The following NXN variants were observed in gnomAD, a reference collection of about 807,000 sequenced individuals.
NXN encodes nucleoredoxin.
NXN carries 16 observed loss-of-function variants against 48.6 expected under a neutral mutation model. The observed-to-expected ratio is 0.33, with a 90% CI of 0.22 to 0.50. The LOEUF (loss-of-function observed/expected upper bound fraction) is 0.50, where lower values mean the gene tolerates loss of function less well. Ranked by LOEUF, NXN falls within the 20% of genes least tolerant of loss-of-function variation. The probability of loss-of-function intolerance (pLI) is 0.98; values close to 1 mark genes in which losing one functional copy is unlikely to be tolerated. For synonymous variants in NXN, 281 were observed against 269.6 expected, an observed-to-expected ratio of 1.04 and a Z score of -0.41; for missense variants, 492 against 605.5, an observed-to-expected ratio of 0.81 and a Z score of 1.97.
intron 1 of NXN, among the ~76,000 whole-genome samples, chr17:894,824 G>C (rs1308507494): frequency 6.6e-6 from 1 of 152,002 alleles, no homozygotes; most frequent in Non-Finnish European, 1.5e-5. Context: ...CCTTCCATCT[G>C]AAAACATAAT....
At chr17:927,185 C>A (rs1001763114) in intron 1 of NXN, among the ~76,000 whole-genome samples, 3 of 151,612 alleles carry the variant, frequency 2.0e-5, no homozygotes, top group Non-Finnish European at 2.9e-5. Context: ...TGGTGGCAGG[C>A]GCCTGTAGAC....
intron 1 of NXN, among the ~76,000 whole-genome samples, chr17:963,933 C>T (rs2069270452): frequency 1.3e-5 from 2 of 150,658 alleles, no homozygotes; most frequent in South Asian, 2.1e-4. Context: ...AAAAATCAGC[C>T]GGGCGTGGTG....
chr17:818,871 T>C (rs112476697), intron 5 of NXN, among the ~76,000 whole-genome samples: 2,769 of 147,804 alleles, frequency 0.019, 85 homozygotes, highest in African/African-American at 0.064. Flanking sequence ...GGCAACAGAG[T>C]GAGACTCCGT....
intron 1 of NXN, among the ~76,000 whole-genome samples, chr17:943,446 G>T (rs753011728): frequency 1.8e-4 from 27 of 152,140 alleles, no homozygotes; most frequent in Non-Finnish European, 4.0e-4. Flanking sequence ...CCCACGTGCC[G>T]TAACTTTCTA....
chr17:837,451 TTA>T lies in NXN; in HGVS notation c.361-11375_361-11374del, dbSNP rs544422694. ...TGGCCAAGAGCAGTGCCTGGGCACATTATGTGTCCAATAAATGATAGATGAAC... is the reference window on the plus strand; with the variant it reads ...TGGCCAAGAGCAGTGCCTGGGCACATTGTGTCCAATAAATGATAGATGAAC... On this transcript the variant is annotated intron_variant, in intron 1 of 7. Transcript: ENST00000336868. Among the ~76,000 whole-genome samples the T allele has an allele frequency of 1.8e-3, 274 of 152,306 alleles. 2 individuals carry two copies. Among genetic ancestry groups the T allele is most frequent in the African/African-American group, 6.3e-3 (260 of 41,576 alleles).
intron 1 of NXN, among the ~76,000 whole-genome samples, chr17:926,882 T>A (rs919810658): frequency 2.0e-5 from 3 of 152,006 alleles, no homozygotes; most frequent in Non-Finnish European, 4.4e-5. Flanking sequence ...AGGCTCTGGG[T>A]AATGAAAGAG....
chr17:952,839 C>T (rs2069127890), intron 1 of NXN, among the ~76,000 whole-genome samples: 1 of 150,944 alleles, frequency 6.6e-6, no homozygotes, highest in Non-Finnish European at 1.5e-5. Context: ...TCAGACAGAC[C>T]AAGGTTGGAA....
intron 1 of NXN, among the ~76,000 whole-genome samples, chr17:929,023 T>C (rs1236666335): frequency 6.6e-6 from 1 of 152,200 alleles, no homozygotes; most frequent in African/African-American, 2.4e-5. Flanking sequence ...AGGCCTTAAA[T>C]TAGTGAATGG....
intron 1 of NXN, among the ~76,000 whole-genome samples, chr17:881,462 A>G (rs1200513424): frequency 6.6e-6 from 1 of 152,196 alleles, no homozygotes; most frequent in East Asian, 1.9e-4. Flanking sequence ...CCCGGGCTCA[A>G]GAAATCTGCC....
At chr17:979,022 AGGG>A (rs1032131676) in intron 1 of NXN, among the ~76,000 whole-genome samples, 1 of 138,564 alleles carries the variant, frequency 7.2e-6, no homozygotes, top group Non-Finnish European at 1.5e-5. Flanking sequence ...CCGGGGGCCG[AGGG>A]GGGTCCAACT....
intron 1 of NXN, among the ~76,000 whole-genome samples, chr17:925,987 A>T (rs936663848): frequency 1.3e-5 from 2 of 152,180 alleles, no homozygotes; most frequent in African/African-American, 4.8e-5. Flanking sequence ...GTAGCAGCTG[A>T]TTCTCGTTGC....
At chr17:803,540 C>T in intron 7 of NXN, 142 bp downstream of exon 7, 1 of 1,024,520 alleles carries the variant, frequency 9.8e-7, no homozygotes, top group East Asian at 2.4e-5. Flanking sequence ...CCTTTCCTTG[C>T]CACATTTGTC....
At chr17:853,249 G>T (rs925956664) in intron 1 of NXN, among the ~76,000 whole-genome samples, 27 of 152,150 alleles carry the variant, frequency 1.8e-4, no homozygotes, top group African/African-American at 6.5e-4. Context: ...TTTGAGACCA[G>T]CCTGGCCAGC....
rs746177151 is a variant in NXN at position 979,425 on chromosome 17, C to A, written c.254G>T (p.Arg85Leu). The A allele has an allele frequency of 3.7e-6, 5 of 1,346,246 alleles. No individual in the cohort carries two copies. The highest frequency in any genetic ancestry group is 3.3e-5 in the East Asian group (1 of 29,914). 83.4% of individuals were successfully genotyped at this position (1,346,246 alleles called of 1,614,324 possible). A position where few individuals can be genotyped will look rare whatever the true frequency, so the allele number is the denominator to read the frequency against. ...CGAGGACACGAAGACGATCTCCAGG[C>A]GCCGCCGCGGCTCGGGCTCCGCCGC... is the stretch of plus-strand genomic sequence containing the variant. ...GAAAEPEPRR[R>L]LEIVFVSSDQ... Residue 85 changes from arginine (R) to leucine (L), a missense_variant, in exon 1 of 8, where the codon CGC becomes CTC. Physicochemically the swap from Arg to Leu is moderately radical, Grantham distance 102. Coordinates refer to ENST00000336868, the MANE Select transcript of NXN (RefSeq NM_022463.5).
chr17:813,729 G>A (rs1276114419), intron 5 of NXN, among the ~76,000 whole-genome samples: 1 of 152,180 alleles, frequency 6.6e-6, no homozygotes, highest in Non-Finnish European at 1.5e-5. Flanking sequence ...AGCACTTTGG[G>A]AGGCCAAGGC....
chr17:885,703 G>A (rs1174088801), intron 1 of NXN, among the ~76,000 whole-genome samples: 2 of 71,526 alleles, frequency 2.8e-5, no homozygotes, highest in South Asian at 5.3e-4. Flanking sequence ...TTTTTTTTGA[G>A]ACAGAGTCGC....
chr17:808,496 T>A (rs965652380), intron 5 of NXN, among the ~76,000 whole-genome samples: 1 of 151,976 alleles, frequency 6.6e-6, no homozygotes, highest in African/African-American at 2.4e-5. Flanking sequence ...GGTTTCCCCA[T>A]GTTGGCCAGG....
intron 1 of NXN, among the ~76,000 whole-genome samples, chr17:874,660 C>T (rs1369419358): frequency 6.8e-6 from 1 of 147,824 alleles, no homozygotes; most frequent in Non-Finnish European, 1.5e-5. Context: ...AGCTCCCAGG[C>T]ACAAGCCTGG....
chr17:957,569 T>C (rs543288178), intron 1 of NXN, among the ~76,000 whole-genome samples: 4 of 151,638 alleles, frequency 2.6e-5, no homozygotes, highest in East Asian at 1.9e-4. Flanking sequence ...GAGGTGTAGG[T>C]TGCAGTGAGC....
Sources: gnomAD v4.1 joint callset for allele counts (sites outside exome capture counted in the v4.1 genomes callset) on GRCh38, gnomAD v4.1.1 for gene constraint, MANE v1.5 for transcripts, NCBI Gene and HGNC (gene_info 2026-07-23, HGNC 2026-07-21) for gene names.